KCNIP4: variants seen among roughly 807,000 people sequenced by gnomAD.
The protein encoded by KCNIP4 is Kv channel-interacting protein 4.
Under a neutral mutation model 34.0 loss-of-function variants are expected in KCNIP4, and 12 were observed. The ratio of observed to expected loss-of-function variants is 0.35; its 90% CI spans 0.23 to 0.57. KCNIP4 has a LOEUF of 0.57. KCNIP4 is among the 20% of genes least tolerant of loss of function. The pLI is 0.83. For missense variants in KCNIP4, 238 were observed against 311.7 expected (o/e 0.76, Z 1.78); for synonymous variants, 124 against 102.2 (o/e 1.21, Z -1.29).
chr4:21,904,738 T>C lies in KCNIP4; in HGVS notation c.61+43833A>G, dbSNP rs1727898180. ...AGACATTTTGGATGAAATCATTTTT[T>C]GTGGTAGGGGGTTGTCTTGACAATT... On this transcript the variant is annotated intron_variant, in intron 1 of 8. Transcript: ENST00000382152. 1.3e-5 allele frequency among the ~76,000 whole-genome samples: 2 copies of C among 152,134 alleles called. 1 individual carries two copies. Among genetic ancestry groups the C allele is most frequent in the South Asian group, 4.1e-4 (2 of 4,824 alleles).
intron 1 of KCNIP4, among the ~76,000 whole-genome samples, chr4:21,667,851 C>G (rs763156541): frequency 2.0e-5 from 3 of 152,192 alleles, no homozygotes; most frequent in Non-Finnish European, 2.9e-5. Flanking sequence ...GTGGGACAGG[C>G]GGTGCAGCAA....
chr4:21,011,359 C>T (rs558989583), intron 1 of KCNIP4, among the ~76,000 whole-genome samples: 2 of 152,274 alleles, frequency 1.3e-5, no homozygotes, highest in African/African-American at 2.4e-5. Context: ...AAGAGTAACA[C>T]TTCTCAAGTT....
chr4:21,843,319 C>G (rs1345396330), intron 1 of KCNIP4: 1 of 152,002 alleles, frequency 6.6e-6, no homozygotes, highest in Non-Finnish European at 1.5e-5. Context: ...CATTATATAA[C>G]TGATATTTTC....
chr4:21,941,065 A>C (rs557505569), intron 1 of KCNIP4, among the ~76,000 whole-genome samples: 1 of 152,172 alleles, frequency 6.6e-6, no homozygotes, highest in African/African-American at 2.4e-5. Flanking sequence ...ATCATAATGA[A>C]TATTCATTAA....
intron 1 of KCNIP4, among the ~76,000 whole-genome samples, chr4:21,073,641 C>T (rs972481187): frequency 2.6e-5 from 4 of 152,256 alleles, no homozygotes; most frequent in Non-Finnish European, 5.9e-5. Flanking sequence ...TTTCTCCTGC[C>T]TGATTGCCCT....
intron 3 of KCNIP4, among the ~76,000 whole-genome samples, chr4:20,762,452 A>AT (rs1276506275): frequency 1.3e-5 from 2 of 152,176 alleles, no homozygotes; most frequent in Non-Finnish European, 1.5e-5. Context: ...ATTCCCAGAG[A>AT]TTTTTTATTG....
rs192381443 is a variant in KCNIP4 at position 20,918,334 on chromosome 4, A to G, written c.62-35625T>C. ...ATATTCCTCTTTATTTTAAGTATAG[A>G]TGAAGAACTCTTCACATACTTGATA... On this transcript the variant is annotated intron_variant, in intron 1 of 8. Coordinates refer to ENST00000382152, the MANE Select transcript of KCNIP4 (RefSeq NM_025221.6). Among the ~76,000 whole-genome samples the G allele has an allele frequency of 4.2e-3, 633 of 152,192 alleles. 4 individuals are homozygous for G. The highest frequency in any genetic ancestry group is 0.014 in the African/African-American group (585 of 41,528).
In KCNIP4 at chr4:21,259,920, T is replaced by TGTGCGCGCGC. The variant is rs755266993; in HGVS notation, c.62-377212_62-377211insGCGCGCGCAC. 5.3e-5 allele frequency among the ~76,000 whole-genome samples: 8 copies of TGTGCGCGCGC among 150,078 alleles called. No homozygotes were observed. The East Asian group carries it at 1.4e-3, about 26-fold the overall frequency. On this transcript the variant is annotated intron_variant, in intron 1 of 8. Coordinates refer to ENST00000382152, the MANE Select transcript of KCNIP4 (RefSeq NM_025221.6). ...GTGTGTGTGTGTGTGTGTGTGTGTG[T>TGTGCGCGCGC]GCACGTGCGCTTATGTGCATTGTGC...
chr4:20,876,095 A>C (rs1865447), intron 2 of KCNIP4, among the ~76,000 whole-genome samples: 24,299 of 152,206 alleles, frequency 0.16, 2,139 homozygotes, highest in Middle Eastern at 0.2. Flanking sequence ...TTAGTGAATC[A>C]ATTATTTTGA....
intron 1 of KCNIP4, among the ~76,000 whole-genome samples, chr4:21,158,748 C>T (rs1753350048): frequency 6.6e-6 from 1 of 152,012 alleles, no homozygotes; most frequent in African/African-American, 2.4e-5. Flanking sequence ...GTTATCTACT[C>T]TTACCTGTTC....
chr4:21,003,436 C>G (rs1198074260), intron 1 of KCNIP4, among the ~76,000 whole-genome samples: 2 of 152,196 alleles, frequency 1.3e-5, no homozygotes, highest in African/African-American at 2.4e-5. Context: ...CATATAAAAG[C>G]CACTTTACCT....
intron 1 of KCNIP4, among the ~76,000 whole-genome samples, chr4:21,922,920 T>G (rs13103030): frequency 0.25 from 38,610 of 152,142 alleles, 5,729 homozygotes; most frequent in East Asian, 0.61. Flanking sequence ...TAAGTCACAA[T>G]GTTATTATAA....
intron 1 of KCNIP4, among the ~76,000 whole-genome samples, chr4:21,479,941 G>C (rs765633509): frequency 6.6e-6 from 1 of 151,388 alleles, no homozygotes; most frequent in Non-Finnish European, 1.5e-5. Flanking sequence ...GAGAAACCAA[G>C]ATAAATAATA....
chr4:21,207,188 A>G (rs1756911486), intron 1 of KCNIP4, among the ~76,000 whole-genome samples: 1 of 152,204 alleles, frequency 6.6e-6, no homozygotes, highest in Non-Finnish European at 1.5e-5. Flanking sequence ...GAGAAATATT[A>G]TATTTTTATA....
intron 1 of KCNIP4, among the ~76,000 whole-genome samples, chr4:21,442,036 T>C (rs545625565): frequency 3.1e-4 from 47 of 152,300 alleles, no homozygotes; most frequent in African/African-American, 1.1e-3. Flanking sequence ...TTTATGCTGA[T>C]TTTCGTTTTG....
intron 1 of KCNIP4, among the ~76,000 whole-genome samples, chr4:20,945,993 C>T (rs73242588): frequency 0.13 from 19,902 of 151,954 alleles, 1,880 homozygotes; most frequent in African/African-American, 0.27. Flanking sequence ...AGAGGATAAA[C>T]GTAAGGAGAA....
intron 1 of KCNIP4, among the ~76,000 whole-genome samples, chr4:21,335,228 G>A (rs73802572): frequency 0.012 from 1,771 of 152,022 alleles, 30 homozygotes; most frequent in African/African-American, 0.041. Context: ...GAAGATAACT[G>A]GACCTCATAG....
At chr4:20,842,437 T>G (rs1719854772) in intron 3 of KCNIP4, among the ~76,000 whole-genome samples, 1 of 151,892 alleles carries the variant, frequency 6.6e-6, no homozygotes, top group Non-Finnish European at 1.5e-5. Flanking sequence ...CAGCAGAAGA[T>G]GGTTGGTCAA....
intron 1 of KCNIP4, among the ~76,000 whole-genome samples, chr4:21,694,931 T>A (rs7684798): frequency 0.1 from 4,615 of 45,056 alleles, 319 homozygotes; most frequent in African/African-American, 0.25. Context: ...AAAAAAAAAA[T>A]AAAAATAAAT....
Sources: allele counts gnomAD v4.1 joint callset (sites outside exome capture counted in the v4.1 genomes callset), GRCh38; gene constraint gnomAD v4.1.1; transcripts MANE v1.5; gene names NCBI Gene and HGNC (gene_info 2026-07-23, HGNC 2026-07-21).